The following TMPRSS11A variants were observed in gnomAD, a reference collection of about 807,000 sequenced individuals.
TMPRSS11A encodes transmembrane serine protease 11A.
TMPRSS11A carries 53 observed loss-of-function variants against 58.9 expected under a neutral mutation model. That is an observed-to-expected ratio of 0.90 (90% CI 0.72 to 1.13). The LOEUF (loss-of-function observed/expected upper bound fraction) is 1.13. Ranked by LOEUF, TMPRSS11A falls within the 50% of genes most tolerant of loss-of-function variation. The pLI, the probability that TMPRSS11A is intolerant of heterozygous loss-of-function variation, is 0.00. For missense variants in TMPRSS11A, 493 were observed against 499.3 expected, an observed-to-expected ratio of 0.99 and a Z score of 0.12; for synonymous variants, 167 against 169.8, an observed-to-expected ratio of 0.98 and a Z score of 0.13.
chr4:67,910,065 C>T lies in TMPRSS11A; in HGVS notation c.*1277G>A, dbSNP rs1038085971. Reference sequence around the variant, plus strand: ...CCTGCAGACCATAATATTTCACAGGCATTGCCAAGCAGAATAATTGCTTCC... The same window carrying T: ...CCTGCAGACCATAATATTTCACAGGTATTGCCAAGCAGAATAATTGCTTCC... On this transcript the variant is annotated 3_prime_UTR_variant, in exon 10 of 10. Coordinates refer to ENST00000508048, the MANE Select transcript of TMPRSS11A (RefSeq NM_001114387.2). 6.6e-6 allele frequency: 1 copy of T among 151,988 alleles called. No individual in the cohort carries two copies. Among genetic ancestry groups the T allele is most frequent in the African/African-American group, 2.4e-5 (1 of 41,414 alleles). The allele number at this position is 151,988 out of a possible 1,614,324, so 9.4% of individuals were successfully genotyped here.
rs182995476 is a variant in TMPRSS11A, at chr4:67,961,772, G to A, written c.11+1611C>T. ...AAGTGATTTGCCTGCCTCGGCCTCC[G>A]AAAGTGCTGGGATTACAGGCATGAG... On this transcript the variant is annotated intron_variant, in intron 1 of 9. Coordinates refer to ENST00000508048, the MANE Select transcript of TMPRSS11A (RefSeq NM_001114387.2). Among the ~76,000 whole-genome samples the A allele has an allele frequency of 2.6e-3, 395 of 151,926 alleles. 2 individuals carry two copies. The highest frequency in any genetic ancestry group is 9.2e-3 in the African/African-American group (381 of 41,424).
At chr4:67,932,521 C>T (rs1458916916) in intron 3 of TMPRSS11A, among the ~76,000 whole-genome samples, 4 of 152,180 alleles carry the variant, frequency 2.6e-5, no homozygotes, top group Non-Finnish European at 4.4e-5. Flanking sequence ...GGCAAAGTTA[C>T]TGAATCAATT....
chr4:67,911,391 G>T lies in TMPRSS11A; in HGVS notation c.1208C>A (p.Thr403Lys). 6.2e-7 allele frequency: 1 copy of T among 1,613,554 alleles called. No individual in the cohort carries two copies. The highest frequency in any genetic ancestry group is 8.5e-7 in the Non-Finnish European group (1 of 1,179,626). Residue 403 changes from threonine to lysine, a missense_variant, in exon 10 of 10, where the codon ACA (threonine) becomes AAA (lysine). Thr to Lys is a moderately conservative substitution (Grantham distance 78, BLOSUM62 -1). Transcript: ENST00000508048. ...CGQKDKPGVY[T>K]QVTYYRNWIA... is the part of the protein sequence containing the mutation. ...CCAGTTTCGGTAATAAGTCACTTGT[G>T]TGTAGACTCCAGGCTTGTCCTTTTG...
intron 9 of TMPRSS11A, among the ~76,000 whole-genome samples, chr4:67,914,386 T>G (rs1720089164): frequency 6.6e-6 from 1 of 152,232 alleles, no homozygotes; most frequent in Non-Finnish European, 1.5e-5. Flanking sequence ...TAATTTTGTT[T>G]GTTTGATAGC....
At chr4:67,960,384 A>AGGATCT (rs1337635653) in intron 1 of TMPRSS11A, among the ~76,000 whole-genome samples, 5 of 152,222 alleles carry the variant, frequency 3.3e-5, no homozygotes, top group Non-Finnish European at 7.3e-5. Flanking sequence ...CGTTAAACTC[A>AGGATCT]GGCTCTGGCT....
chr4:67,919,299 C>T, intron 7 of TMPRSS11A, 67 bp from the exon 8 acceptor site: 4 of 1,422,250 alleles, frequency 2.8e-6, no homozygotes, highest in Non-Finnish European at 3.9e-6. Flanking sequence ...AGATTAATTG[C>T]ATTTAGGCTA....
In TMPRSS11A at chr4:67,919,199, A is replaced by T. The variant is rs763692414; in HGVS notation, c.726T>A (p.Phe242Leu). 1 of 1,614,172 alleles carries T rather than the reference A, an allele frequency of 6.2e-7. No homozygotes were observed. Reference sequence around the variant, plus strand: ...TTAAGGGAGGGTTGATTTTTGTTCCAAAACTAACAGTCCATTGATGTGGAT... The same window carrying T: ...TTAAGGGAGGGTTGATTTTTGTTCCTAAACTAACAGTCCATTGATGTGGAT... Reference protein sequence around the residue: ...YKNPHQWTVSFGTKINPPLMK... With the variant: ...YKNPHQWTVSLGTKINPPLMK... Residue 242 changes from phenylalanine to leucine, a missense_variant, in exon 8 of 10, where the codon TTT becomes TTA. Phe to Leu is a conservative substitution (Grantham distance 22, BLOSUM62 0). Coordinates refer to ENST00000508048, the MANE Select transcript of TMPRSS11A (RefSeq NM_001114387.2).
At chr4:67,931,663 G>A (rs1239247664) in intron 4 of TMPRSS11A, among the ~76,000 whole-genome samples, 1 of 152,192 alleles carries the variant, frequency 6.6e-6, no homozygotes, top group Non-Finnish European at 1.5e-5. Context: ...TGCATGCAAC[G>A]ACAAGCTGCT....
intron 7 of TMPRSS11A, among the ~76,000 whole-genome samples, chr4:67,921,151 T>G (rs1385130485): frequency 6.6e-6 from 1 of 152,140 alleles, no homozygotes; most frequent in Non-Finnish European, 1.5e-5. Flanking sequence ...TGTTCAATGC[T>G]ATAAAGATAT....
chr4:67,939,213 T>C lies in TMPRSS11A; in HGVS notation c.252+5306A>G, dbSNP rs527453560. Among the ~76,000 whole-genome samples, 158 of 152,284 alleles carry C rather than the reference T, an allele frequency of 1.0e-3. 1 individual carries two copies. The highest frequency in any genetic ancestry group is 1.0e-3 in the Non-Finnish European group (68 of 68,004). On this transcript the variant is annotated intron_variant, in intron 3 of 9. Transcript: ENST00000508048. ...TGGGATTGTGTTCTTGATTTGGTTC[T>C]CAGCTTGGACATTATTGTTTAGAAA...
At chr4:67,952,990 AG>A (rs1213776066) in intron 1 of TMPRSS11A, among the ~76,000 whole-genome samples, 1 of 151,880 alleles carries the variant, frequency 6.6e-6, no homozygotes, top group African/African-American at 2.4e-5. Context: ...GGACAGGGGT[AG>A]GGGGGGTGGT....
chr4:67,930,065 A>C (rs371321196), intron 4 of TMPRSS11A, 25 bp from the exon 5 acceptor site: 61 of 1,590,908 alleles, frequency 3.8e-5, no homozygotes, highest in Non-Finnish European at 4.6e-5. Flanking sequence ...AGAAAGGTAC[A>C]TTTTCAAAGA....
At chr4:67,918,679 C>T (rs542117804) in intron 8 of TMPRSS11A, among the ~76,000 whole-genome samples, 2 of 152,150 alleles carry the variant, frequency 1.3e-5, no homozygotes, top group Non-Finnish European at 2.9e-5. Flanking sequence ...GCAAAAAATT[C>T]AAATTCAGAG....
intron 1 of TMPRSS11A, among the ~76,000 whole-genome samples, chr4:67,960,720 G>A (rs1721402170): frequency 6.6e-6 from 1 of 152,050 alleles, no homozygotes. Context: ...ATTGCTCATG[G>A]CAAATTAAAA....
At chr4:67,913,446 T>C (rs953210307) in intron 9 of TMPRSS11A, among the ~76,000 whole-genome samples, 2 of 152,206 alleles carry the variant, frequency 1.3e-5, no homozygotes, top group African/African-American at 4.8e-5. Flanking sequence ...TGTATTTTTC[T>C]ATGACTAAAG....
chr4:67,921,045 C>A (rs1720311038), intron 7 of TMPRSS11A, among the ~76,000 whole-genome samples: 1 of 152,002 alleles, frequency 6.6e-6, no homozygotes, highest in Admixed American at 6.5e-5. Context: ...TAAAGAATAG[C>A]TGTTATATGA....
In TMPRSS11A at chr4:67,936,031, A is replaced by G. The variant is rs146995889; in HGVS notation, c.253-3971T>C. On this transcript the variant is annotated intron_variant, in intron 3 of 9. Coordinates refer to ENST00000508048, the MANE Select transcript of TMPRSS11A (RefSeq NM_001114387.2). ...TGAGTACTATGATTATTCACGTTTC[A>G]TAGAAGAGGAAGTGACTTGCCCAAG... Among the ~76,000 whole-genome samples, 121 of 152,206 alleles carry G rather than the reference A, an allele frequency of 7.9e-4. 1 individual carries two copies. Among genetic ancestry groups the G allele is most frequent in the African/African-American group, 2.6e-3 (110 of 41,540 alleles).
chr4:67,937,408 G>T (rs901979057), intron 3 of TMPRSS11A, among the ~76,000 whole-genome samples: 1 of 152,194 alleles, frequency 6.6e-6, no homozygotes, highest in Non-Finnish European at 1.5e-5. Flanking sequence ...TAATGTATCT[G>T]TCAAGAAAAA....
chr4:67,954,253 A>G (rs541236135), intron 1 of TMPRSS11A, among the ~76,000 whole-genome samples: 1 of 152,354 alleles, frequency 6.6e-6, no homozygotes, highest in South Asian at 2.1e-4. Context: ...TTGAGGCTGA[A>G]GGGGACTGAG....
Sources: gnomAD v4.1 joint callset for allele counts (sites outside exome capture counted in the v4.1 genomes callset) on GRCh38, gnomAD v4.1.1 for gene constraint, MANE v1.5 for transcripts, NCBI Gene and HGNC (gene_info 2026-07-23, HGNC 2026-07-21) for gene names.